PDCD4: variants seen among roughly 807,000 people sequenced by gnomAD.
PDCD4 encodes programmed cell death protein 4.
Under a neutral mutation model 54.0 loss-of-function variants are expected in PDCD4, and 56 were observed. That is an observed-to-expected ratio of 1.04 (90% confidence interval 0.84 to 1.30). The LOEUF (loss-of-function observed/expected upper bound fraction) is 1.30, where lower values mean the gene tolerates loss of function less well. PDCD4 is among the 50% of genes most tolerant of loss of function. The pLI is 0.00. For synonymous variants in PDCD4, 186 were observed against 194.8 expected, an observed-to-expected ratio of 0.95 and a Z score of 0.37; for missense variants, 584 against 559.8, an observed-to-expected ratio of 1.04 and a Z score of -0.44.
chr10:110,888,010 G>A (rs1012790471), intron 6 of PDCD4, 124 bp downstream of exon 6: 24 of 588,558 alleles, frequency 4.1e-5, no homozygotes, highest in Non-Finnish European at 6.9e-5. Flanking sequence ...CTACGACACC[G>A]AAATATTCCG....
At chr10:110,897,135 T>C (rs2056013953) in intron 11 of PDCD4, among the ~76,000 whole-genome samples, 1 of 152,204 alleles carries the variant, frequency 6.6e-6, no homozygotes, top group Non-Finnish European at 1.5e-5. Flanking sequence ...CCACTTAGAC[T>C]TAATATGAAA....
At chr10:110,885,815 A>T (rs989411730) in intron 5 of PDCD4, among the ~76,000 whole-genome samples, 1 of 151,406 alleles carries the variant, frequency 6.6e-6, no homozygotes, top group East Asian at 1.9e-4. Flanking sequence ...TACTTTGTCC[A>T]AAAAAAACCC....
At chr10:110,875,454 A>T (rs1290788607) in intron 1 of PDCD4, among the ~76,000 whole-genome samples, 4 of 152,336 alleles carry the variant, frequency 2.6e-5, no homozygotes, top group East Asian at 3.8e-4. Flanking sequence ...AATGAGTGGC[A>T]GATATATCTG....
chr10:110,888,807 T>A (rs1180532756), intron 6 of PDCD4, among the ~76,000 whole-genome samples: 1 of 152,186 alleles, frequency 6.6e-6, no homozygotes, highest in Non-Finnish European at 1.5e-5. Context: ...GGACACCAAT[T>A]TCCAGTTTTT....
At chr10:110,875,867 GT>G (rs34872880) in intron 1 of PDCD4, 98 bp from the exon 2 acceptor site, 21,176 of 456,736 alleles carry the variant, frequency 0.046, 639 homozygotes, top group African/African-American at 0.11. Flanking sequence ...TTTTGTTGTT[GT>G]CGTTTGTTTT....
intron 10 of PDCD4, among the ~76,000 whole-genome samples, chr10:110,895,157 CTAAT>C (rs1242009621): frequency 6.6e-6 from 1 of 151,986 alleles, no homozygotes; most frequent in African/African-American, 2.4e-5. Context: ...GTTTGGGCTT[CTAAT>C]TAATGATCCT....
chr10:110,889,679 C>G (rs755585059), intron 7 of PDCD4, 49 bp downstream of exon 7: 1 of 987,294 alleles, frequency 1.0e-6, no homozygotes, highest in Non-Finnish European at 1.6e-6. Flanking sequence ...GGGGAAAATT[C>G]TACAGGATCC....
intron 7 of PDCD4, 48 bp downstream of exon 7, chr10:110,889,678 T>C (rs1366978608): frequency 2.0e-6 from 2 of 1,014,312 alleles, no homozygotes; most frequent in African/African-American, 1.6e-5. Context: ...AGGGGAAAAT[T>C]CTACAGGATC....
chr10:110,885,801 T>C (rs923606068), intron 5 of PDCD4, among the ~76,000 whole-genome samples: 1 of 152,036 alleles, frequency 6.6e-6, no homozygotes, highest in Non-Finnish European at 1.5e-5. Flanking sequence ...ATAAAATCTT[T>C]TTGTACTTTG....
chr10:110,876,063 C>T lies in PDCD4; in HGVS notation c.36C>T (p.Asn12=). 1.9e-6 allele frequency: 3 copies of T among 1,609,038 alleles called. No homozygotes were observed. Among genetic ancestry groups the T allele is most frequent in the Non-Finnish European group, 2.5e-6 (3 of 1,177,138 alleles). Residue 12 remains asparagine, a synonymous_variant, in exon 2 of 12, where the codon AAC becomes AAT. Transcript: ENST00000280154. ...AAAATGAGCAGATACTGAATGTAAA[C>T]CCTGCAGGTAAGTAAGGATATCCTT... ...DVENEQILNV[N]PADPDNLSDS...
chr10:110,894,371 T>C, intron 9 of PDCD4, 41 bp from the exon 10 acceptor site: 1 of 1,105,506 alleles, frequency 9.0e-7, no homozygotes. Context: ...CAGTTTCATA[T>C]ATGAATTAAC....
chr10:110,887,476 G>A (rs759719389), intron 5 of PDCD4, among the ~76,000 whole-genome samples, 189 bp from the exon 6 acceptor site: 3 of 152,100 alleles, frequency 2.0e-5, no homozygotes, highest in Non-Finnish European at 4.4e-5. Flanking sequence ...GTGGATCAAT[G>A]TCTGATTTAT....
In PDCD4 at chr10:110,896,940, A is replaced by C. The variant is rs1257341544; in HGVS notation, c.1349+853A>C. 2.6e-5 allele frequency among the ~76,000 whole-genome samples: 4 copies of C among 152,340 alleles called. No individual in the cohort carries two copies. In the South Asian group the frequency reaches 8.3e-4, roughly 32 times the overall value. ...TGATGAAAGATAGTTTAATAGCTTT[A>C]CTAGAAATGTTTGGAAATACAGACG... On this transcript the variant is annotated intron_variant, in intron 11 of 11. Coordinates refer to ENST00000280154, the MANE Select transcript of PDCD4 (RefSeq NM_014456.5).
intron 2 of PDCD4, among the ~76,000 whole-genome samples, chr10:110,879,037 T>C (rs1314136148): frequency 6.6e-6 from 1 of 152,210 alleles, no homozygotes; most frequent in Non-Finnish European, 1.5e-5. Flanking sequence ...TAAGGCATTG[T>C]TTGACTTCTC....
At chr10:110,883,133 G>A (rs1590730835) in intron 4 of PDCD4, 36 bp downstream of exon 4, 5 of 1,336,150 alleles carry the variant, frequency 3.7e-6, no homozygotes, top group African/African-American at 1.5e-5. Flanking sequence ...TATTTAAAAT[G>A]TTTATGAACT....
At position 110,895,938 on chromosome 10, in the gene PDCD4, A is replaced by G; in HGVS notation, c.1210-10A>G. 1 of 1,553,246 alleles carries G rather than the reference A, an allele frequency of 6.4e-7. No individual in the cohort carries two copies. ...GGCTAACAATTCTGCATGTAATTTC[A>G]TTGTTGTAGGGTTATGAGAGAATTT... On this transcript the variant is annotated splice_polypyrimidine_tract_variant and intron_variant, in intron 10 of 11. Transcript: ENST00000280154.
At chr10:110,881,835 C>CT (rs1845598000) in intron 3 of PDCD4, among the ~76,000 whole-genome samples, 1 of 152,112 alleles carries the variant, frequency 6.6e-6, no homozygotes, top group Non-Finnish European at 1.5e-5. Context: ...CGTATATTCT[C>CT]TAAGTTTGAA....
At chr10:110,878,095 A>G (rs1269589619) in intron 2 of PDCD4, among the ~76,000 whole-genome samples, 3 of 152,206 alleles carry the variant, frequency 2.0e-5, no homozygotes, top group African/African-American at 2.4e-5. Context: ...GTAGGAAACA[A>G]TTTTGAAGTC....
intron 7 of PDCD4, among the ~76,000 whole-genome samples, chr10:110,890,170 A>T (rs776054734): frequency 4.2e-4 from 64 of 152,174 alleles, no homozygotes; most frequent in Admixed American, 2.7e-3. Flanking sequence ...GGACTCAGCC[A>T]TGTCTTAGTT....
Sources: allele counts gnomAD v4.1 joint callset (sites outside exome capture counted in the v4.1 genomes callset), GRCh38; gene constraint gnomAD v4.1.1; transcripts MANE v1.5; gene names NCBI Gene and HGNC (gene_info 2026-07-23, HGNC 2026-07-21).